The following ANKS1A variants were observed in gnomAD, a reference collection of about 807,000 sequenced individuals.
ANKS1A encodes the protein ankyrin repeat and sterile alpha motif domain containing 1A, also known as ankyrin repeat and SAM domain-containing protein 1A.
In ANKS1A, 55 loss-of-function variants were observed where a neutral mutation model predicts 120.3. The observed-to-expected ratio is 0.46, with a 90% CI of 0.37 to 0.57. ANKS1A has a LOEUF of 0.57. Ranked by LOEUF, ANKS1A falls within the 20% of genes least tolerant of loss-of-function variation. The pLI is 0.00. For synonymous variants in ANKS1A, 590 were observed against 604.7 expected (o/e 0.98, Z 0.36); for missense variants, 1,123 against 1,480.3 (o/e 0.76, Z 3.96).
chr6:35,054,306 A>T, intron 12 of ANKS1A, 141 bp downstream of exon 12: 1 of 693,748 alleles, frequency 1.4e-6, no homozygotes, highest in South Asian at 1.8e-5. Context: ...CCTATAATTC[A>T]GTCTCCAATA....
chr6:34,964,291 A>G (rs1268156338), intron 1 of ANKS1A, among the ~76,000 whole-genome samples: 2 of 152,120 alleles, frequency 1.3e-5, no homozygotes, highest in East Asian at 3.8e-4. Flanking sequence ...TAAAAGCACT[A>G]TGTGAATAGA....
At position 35,085,637 on chromosome 6, in the gene ANKS1A, GA is replaced by G; in HGVS notation, c.3133-128del. The G allele has an allele frequency of 4.8e-6, 4 of 828,582 alleles. No homozygotes were observed. The highest frequency in any genetic ancestry group is 7.2e-6 in the Non-Finnish European group (4 of 555,418). 51.3% of individuals were successfully genotyped at this position (828,582 alleles called of 1,614,324 possible). On this transcript the variant is annotated intron_variant, in intron 21 of 23. Coordinates refer to ENST00000360359, the MANE Select transcript of ANKS1A (RefSeq NM_015245.3). The surrounding 1 kb of genome is among the most constrained non-coding windows in gnomAD (Gnocchi z 4.7). The stretch of plus-strand genomic sequence containing the variant: ...AGAGTAAAGGAGGGAAAGGAGGGAA[GA>G]GTGGAAGGAGGTAGGAGCGCTCCCG...
intron 1 of ANKS1A, among the ~76,000 whole-genome samples, chr6:34,959,550 A>G (rs984829546): frequency 2.0e-5 from 3 of 152,220 alleles, no homozygotes; most frequent in African/African-American, 7.2e-5. Context: ...TAGGATAAAT[A>G]TTGTGGTGAA....
At chr6:34,894,827 T>C (rs1015028626) in intron 1 of ANKS1A, among the ~76,000 whole-genome samples, 1 of 152,026 alleles carries the variant, frequency 6.6e-6, no homozygotes, top group Non-Finnish European at 1.5e-5. Context: ...GTTGAGGAGA[T>C]TATGTTATGG....
Position 34,889,411 on chromosome 6 carries a change from G to T in ANKS1A, c.9G>T (p.Lys3Asn), listed in dbSNP as rs1581647346. Reference protein sequence around the residue: MGKEQELLEAART... With the variant: MGNEQELLEAART... The stretch of plus-strand genomic sequence containing the variant: ...GGGTGGCGGCCCTGGGGATGGGGAA[G>T]GAGCAGGAGCTGCTGGAGGCGGCCC... The change falls in exon 1 of 24, where the codon AAG becomes AAT. Residue 3 changes from lysine to asparagine, a missense_variant. Coordinates refer to ENST00000360359, the MANE Select transcript of ANKS1A (RefSeq NM_015245.3). This position sits in a 1 kb window ranked among gnomAD's most constrained non-coding sequence, Gnocchi z 5.5. 1 of 1,273,498 alleles carries T rather than the reference G, an allele frequency of 7.9e-7. No homozygotes were observed. Among genetic ancestry groups the T allele is most frequent in the Admixed American group, 4.1e-5 (1 of 24,620 alleles). The allele number at this position is 1,273,498 out of a possible 1,614,324, so 78.9% of individuals were successfully genotyped here.
intron 12 of ANKS1A, among the ~76,000 whole-genome samples, chr6:35,054,837 T>C (rs1035652147): frequency 1.3e-5 from 2 of 152,232 alleles, no homozygotes; most frequent in Admixed American, 6.5e-5. Context: ...TCAGGCGAGA[T>C]GCTCTTAAAG....
chr6:34,995,138 G>A (rs1457283761), intron 10 of ANKS1A, among the ~76,000 whole-genome samples: 2 of 152,172 alleles, frequency 1.3e-5, no homozygotes, highest in East Asian at 3.9e-4. Context: ...AGGTATTAGG[G>A]CCTTCATGGG....
intron 11 of ANKS1A, among the ~76,000 whole-genome samples, chr6:35,021,324 G>T (rs1234886349): frequency 6.6e-6 from 1 of 152,192 alleles, no homozygotes; most frequent in Non-Finnish European, 1.5e-5. Flanking sequence ...TTCACTGTGA[G>T]ACCTGGGGAG....
intron 1 of ANKS1A, among the ~76,000 whole-genome samples, chr6:34,912,779 T>C (rs573975098): frequency 6.6e-5 from 10 of 152,208 alleles, no homozygotes; most frequent in Non-Finnish European, 1.0e-4. Context: ...TTGGATGGAT[T>C]GAAAAGCGAA....
chr6:34,891,879 G>A (rs1049453606), intron 1 of ANKS1A, among the ~76,000 whole-genome samples: 5 of 152,150 alleles, frequency 3.3e-5, no homozygotes, highest in Non-Finnish European at 2.9e-5. Flanking sequence ...CGCCGGCCTC[G>A]GCCTCCCAAA....
intron 13 of ANKS1A, among the ~76,000 whole-genome samples, chr6:35,073,916 C>T (rs1460913275): frequency 6.6e-6 from 1 of 152,216 alleles, no homozygotes; most frequent in African/African-American, 2.4e-5. Flanking sequence ...TCCCCCGGTG[C>T]GGAGATATGG....
At chr6:34,998,932 G>T (rs1773001814) in intron 10 of ANKS1A, among the ~76,000 whole-genome samples, 1 of 152,188 alleles carries the variant, frequency 6.6e-6, no homozygotes, top group Admixed American at 6.5e-5. Flanking sequence ...TCCCTGCGGG[G>T]GACTCCAACC....
chr6:35,084,753 G>A lies in ANKS1A; in HGVS notation c.3132+495G>A, dbSNP rs1036794725. Reference sequence around the variant, plus strand: ...AATGCCCTCTACTTCCCTCTTAGGGGCAGTGGTGCCCTCTTTGGCAGATTT... The same window carrying A: ...AATGCCCTCTACTTCCCTCTTAGGGACAGTGGTGCCCTCTTTGGCAGATTT... On this transcript the variant is annotated intron_variant, in intron 21 of 23. Transcript: ENST00000360359. The surrounding 1 kb of genome is among the most constrained non-coding windows in gnomAD (Gnocchi z 4.8). Among the ~76,000 whole-genome samples, 4 of 152,184 alleles carry A rather than the reference G, an allele frequency of 2.6e-5. No individual in the cohort carries two copies. Among genetic ancestry groups the A allele is most frequent in the Non-Finnish European group, 5.9e-5 (4 of 68,026 alleles).
At chr6:34,890,082 G>A (rs1766729676) in intron 1 of ANKS1A, among the ~76,000 whole-genome samples, 3 of 151,196 alleles carry the variant, frequency 2.0e-5, no homozygotes. Flanking sequence ...GGCTACACAG[G>A]ACCTCGCTTT....
chr6:34,955,379 C>T (rs1561869286), intron 1 of ANKS1A, among the ~76,000 whole-genome samples: 1 of 152,214 alleles, frequency 6.6e-6, no homozygotes, highest in East Asian at 1.9e-4. Context: ...TCAGGTGATC[C>T]GTCCACCTCA....
intron 13 of ANKS1A, among the ~76,000 whole-genome samples, chr6:35,076,939 C>T (rs1179568937): frequency 6.6e-6 from 1 of 152,096 alleles, no homozygotes; most frequent in African/African-American, 2.4e-5. Context: ...CACAATAGTC[C>T]CTATTACTAA....
chr6:35,080,821 G>C (rs12111424), intron 16 of ANKS1A, among the ~76,000 whole-genome samples, 173 bp from the exon 17 acceptor site: 1 of 152,210 alleles, frequency 6.6e-6, no homozygotes, highest in South Asian at 2.1e-4. Flanking sequence ...ACTAGTGGAC[G>C]GTGGCTGCGT....
At chr6:35,035,685 C>A (rs868074507) in intron 11 of ANKS1A, among the ~76,000 whole-genome samples, 1 of 152,170 alleles carries the variant, frequency 6.6e-6, no homozygotes, top group Non-Finnish European at 1.5e-5. Context: ...CCAACCTGGG[C>A]GAGTCGGGAA....
At chr6:35,026,184 G>A (rs906170314) in intron 11 of ANKS1A, among the ~76,000 whole-genome samples, 2 of 152,084 alleles carry the variant, frequency 1.3e-5, no homozygotes, top group Non-Finnish European at 2.9e-5. Flanking sequence ...TGTTTTTCTA[G>A]TAAAGTATCA....
Sources: gnomAD v4.1 joint callset for allele counts (sites outside exome capture counted in the v4.1 genomes callset) on GRCh38, gnomAD v4.1.1 for gene constraint, Gnocchi (gnomAD v3.1) non-coding constraint, MANE v1.5 for transcripts, NCBI Gene and HGNC (gene_info 2026-07-23, HGNC 2026-07-21) for gene names.